Variants in GOLM2 observed in about 807,000 individuals in gnomAD.
GOLM2 encodes the protein golgi membrane protein 2.
In GOLM2, 26 loss-of-function variants were observed where a neutral mutation model predicts 55.9. The ratio of observed to expected loss-of-function variants is 0.47; its 90% confidence interval spans 0.34 to 0.65. The LOEUF (loss-of-function observed/expected upper bound fraction) is 0.65, where lower values mean the gene tolerates loss of function less well. Among genes scored for constraint, GOLM2 ranks in the 30% least tolerant of loss-of-function variants. The pLI is 0.01. For synonymous variants in GOLM2, 165 were observed against 194.6 expected, an observed-to-expected ratio of 0.85 and a Z score of 1.27; for missense variants, 486 against 531.8, an observed-to-expected ratio of 0.91 and a Z score of 0.85.
At chr15:44,360,460 C>A (rs976211260) in intron 6 of GOLM2, among the ~76,000 whole-genome samples, 1 of 152,076 alleles carries the variant, frequency 6.6e-6, no homozygotes, top group Non-Finnish European at 1.5e-5. Flanking sequence ...CAAAGAAGGC[C>A]ATTACATAAT....
intron 1 of GOLM2, among the ~76,000 whole-genome samples, chr15:44,312,904 C>G (rs558691593): frequency 7.9e-5 from 12 of 152,106 alleles, no homozygotes; most frequent in East Asian, 7.7e-4. Flanking sequence ...CATGGTGAAA[C>G]CCCATCTCTA....
chr15:44,319,563 GT>G (rs2078935139), intron 1 of GOLM2, among the ~76,000 whole-genome samples: 1 of 151,878 alleles, frequency 6.6e-6, no homozygotes. Flanking sequence ...TGTGAGTGGG[GT>G]TTTTGTTTGT....
At chr15:44,363,788 C>G (rs1156672320) in intron 6 of GOLM2, among the ~76,000 whole-genome samples, 1 of 151,214 alleles carries the variant, frequency 6.6e-6, no homozygotes, top group African/African-American at 2.4e-5. Context: ...GACTTGGAAC[C>G]AACCCAAATG....
At chr15:44,401,378 C>A (rs187467728) in intron 8 of GOLM2, among the ~76,000 whole-genome samples, 1 of 152,094 alleles carries the variant, frequency 6.6e-6, no homozygotes, top group African/African-American at 2.4e-5. Flanking sequence ...AATCCTTCTA[C>A]CTCAGCCTCC....
At chr15:44,298,541 G>A (rs1165476301) in intron 1 of GOLM2, among the ~76,000 whole-genome samples, 3 of 151,534 alleles carry the variant, frequency 2.0e-5, no homozygotes, top group African/African-American at 7.3e-5. Context: ...CTCCCAAAGT[G>A]CTGGGATTAC....
chr15:44,349,569 A>G (rs191822070), intron 6 of GOLM2, among the ~76,000 whole-genome samples: 4 of 152,358 alleles, frequency 2.6e-5, no homozygotes, highest in African/African-American at 9.6e-5. Flanking sequence ...CACTTTCAGC[A>G]TTGGACAGAT....
At chr15:44,393,977 G>A (rs1047259160) in intron 8 of GOLM2, among the ~76,000 whole-genome samples, 1 of 152,192 alleles carries the variant, frequency 6.6e-6, no homozygotes, top group African/African-American at 2.4e-5. Flanking sequence ...ACAGGCATGA[G>A]CCACCGTGCC....
rs866388888 is a variant in GOLM2 at position 44,379,767 on chromosome 15, C to G, written c.880C>G (p.Leu294Val). The stretch of plus-strand genomic sequence containing the variant: ...CTCCCATCTTCCAACTGGACAACCT[C>G]TCTCCCCAAATATGCCTCCAGGTAT... Reference protein sequence around the residue: ...AISHLPTGQPLSPNMPPDSHI... With the variant: ...AISHLPTGQPVSPNMPPDSHI... Residue 294 changes from leucine (L) to valine (V), a missense_variant, in exon 7 of 10, where the codon CTC becomes GTC. Transcript: ENST00000299957. The G allele has an allele frequency of 1.2e-6, 2 of 1,609,894 alleles. No individual in the cohort carries two copies. Among genetic ancestry groups the G allele is most frequent in the Non-Finnish European group, 1.7e-6 (2 of 1,176,722 alleles).
Position 44,337,878 on chromosome 15 carries a change from C to A in GOLM2, c.692C>A (p.Pro231His). 5 of 1,599,878 alleles carry A rather than the reference C, an allele frequency of 3.1e-6. No individual in the cohort carries two copies. Among genetic ancestry groups the A allele is most frequent in the Non-Finnish European group, 4.3e-6 (5 of 1,176,468 alleles). ...AATGTTGCAGATAAGAATGAAGAAC[C>A]CTCAAGCAATCATATTCCACATGGG... ...AENVADKNEEPSSNHIPHGKE... is the reference protein window; with the variant it reads ...AENVADKNEEHSSNHIPHGKE... Residue 231 changes from proline to histidine, a missense_variant, in exon 5 of 10, where the codon CCC becomes CAC. Physicochemically the swap from Pro to His is moderately conservative, Grantham distance 77. Coordinates refer to ENST00000299957, the MANE Select transcript of GOLM2 (RefSeq NM_138423.4).
intron 4 of GOLM2, among the ~76,000 whole-genome samples, chr15:44,334,270 C>T (rs966300384): frequency 5.9e-5 from 9 of 152,274 alleles, no homozygotes; most frequent in African/African-American, 2.2e-4. Flanking sequence ...ATTCTACTCC[C>T]CACCCTTCAT....
At chr15:44,378,098 G>C (rs1042593526) in intron 6 of GOLM2, among the ~76,000 whole-genome samples, 1 of 150,612 alleles carries the variant, frequency 6.6e-6, no homozygotes, top group Non-Finnish European at 1.5e-5. Flanking sequence ...ACCCAGGCTG[G>C]AGTGCAGTGG....
intron 9 of GOLM2, among the ~76,000 whole-genome samples, chr15:44,403,413 C>T (rs2079579003): frequency 6.6e-6 from 1 of 152,166 alleles, no homozygotes; most frequent in African/African-American, 2.4e-5. Flanking sequence ...CTGCTCACCT[C>T]AGGCTCCCAA....
intron 3 of GOLM2, among the ~76,000 whole-genome samples, chr15:44,330,605 C>T (rs2079016904): frequency 6.6e-6 from 1 of 151,602 alleles, no homozygotes; most frequent in African/African-American, 2.4e-5. Flanking sequence ...CTGGCATACA[C>T]CTGTGGTCCC....
At position 44,331,497 on chromosome 15, in the gene GOLM2, T is replaced by C. The variant is rs546141376; in HGVS notation, c.486-491T>C. Reference sequence around the variant, plus strand: ...ACTTTCTCCTGATGGCACCAGTCTATCTTCTTTATTAGTTTCTTTCGTTCC... The same window carrying C: ...ACTTTCTCCTGATGGCACCAGTCTACCTTCTTTATTAGTTTCTTTCGTTCC... On this transcript the variant is annotated intron_variant, in intron 3 of 9. Transcript: ENST00000299957. 6.6e-5 allele frequency among the ~76,000 whole-genome samples: 10 copies of C among 152,322 alleles called. No homozygotes were observed. In the East Asian group the frequency reaches 1.9e-3, roughly 29 times the overall value.
chr15:44,373,202 A>T (rs2141187355), intron 6 of GOLM2, among the ~76,000 whole-genome samples: 1 of 152,360 alleles, frequency 6.6e-6, no homozygotes, highest in Non-Finnish European at 1.5e-5. Flanking sequence ...TCACGCCTGT[A>T]ATCCCAGCAC....
At chr15:44,395,895 C>A (rs2079523155) in intron 8 of GOLM2, among the ~76,000 whole-genome samples, 1 of 151,808 alleles carries the variant, frequency 6.6e-6, no homozygotes, top group Admixed American at 6.6e-5. Context: ...CAAAGATTGC[C>A]AAATTCATAT....
chr15:44,334,799 A>G (rs183332797), intron 4 of GOLM2, among the ~76,000 whole-genome samples: 1 of 152,208 alleles, frequency 6.6e-6, no homozygotes. Context: ...TGGGAGGCCA[A>G]GGTGGGTGGA....
chr15:44,302,147 T>A (rs972932934), intron 1 of GOLM2, among the ~76,000 whole-genome samples: 2 of 127,466 alleles, frequency 1.6e-5, no homozygotes, highest in African/African-American at 6.5e-5. Flanking sequence ...TTACATTTAA[T>A]TTTTTTTTTT....
chr15:44,347,237 A>G (rs2079131622), intron 6 of GOLM2, among the ~76,000 whole-genome samples: 1 of 152,216 alleles, frequency 6.6e-6, no homozygotes, highest in Non-Finnish European at 1.5e-5. Context: ...GTCTACACAG[A>G]AAAGTACCTT....
Sources: allele counts gnomAD v4.1 joint callset (sites outside exome capture counted in the v4.1 genomes callset), GRCh38; gene constraint gnomAD v4.1.1; transcripts MANE v1.5; gene names NCBI Gene and HGNC (gene_info 2026-07-23, HGNC 2026-07-21).